Variants in WNT10B observed in about 807,000 individuals in gnomAD.
WNT10B encodes the protein protein Wnt-10b.
WNT10B carries 26 observed loss-of-function variants against 32.7 expected under a neutral mutation model. The ratio of observed to expected loss-of-function variants is 0.79; its 90% CI spans 0.58 to 1.10. The LOEUF (loss-of-function observed/expected upper bound fraction) is 1.10. Among genes scored for constraint, WNT10B ranks in the 50% least tolerant of loss-of-function variants. The pLI, the probability that WNT10B is intolerant of heterozygous loss-of-function variation, is 0.00. For missense variants in WNT10B, 474 were observed against 532.5 expected, an observed-to-expected ratio of 0.89 and a Z score of 1.08; for synonymous variants, 204 against 220.4, an observed-to-expected ratio of 0.93 and a Z score of 0.66.
Position 48,965,861 on chromosome 12 carries a change from T to A in WNT10B, c.*234A>T. On this transcript the variant is annotated 3_prime_UTR_variant, in exon 5 of 5. Transcript: ENST00000301061. ...TGCATTTCATCTTAGTCCATTCAGG[T>A]GTCTAAGGAGCAGAAGAGGGGTGGC... 1 of 577,932 alleles carries A rather than the reference T, an allele frequency of 1.7e-6. No homozygotes were observed. The highest frequency in any genetic ancestry group is 3.0e-5 in the Admixed American group (1 of 33,280). The allele number at this position is 577,932 out of a possible 1,614,324, so 35.8% of individuals were successfully genotyped here.
rs1382756566 is a variant in WNT10B at position 48,968,141 on chromosome 12, A to G, written c.516T>C (p.Ser172=). 1.9e-6 allele frequency: 3 copies of G among 1,613,628 alleles called. No homozygotes were observed. The Admixed American group carries it at 5.0e-5, about 27-fold the overall frequency. The stretch of plus-strand genomic sequence containing the variant: ...CAGGGCTGGGCAGAGAGTGGGGGAA[A>G]CTCTTGCCTCGGGACAGTGCCTGCA... ...LQLQALSRGK[S]FPHSLPSPGP... is the part of the protein sequence containing the mutation. The change falls in exon 4 of 5, where the codon AGT becomes AGC. Residue 172 remains serine, a synonymous_variant. Coordinates refer to ENST00000301061, the MANE Select transcript of WNT10B (RefSeq NM_003394.4).
chr12:48,967,945 C>T lies in WNT10B; in HGVS notation c.711+1G>A. 5.0e-6 allele frequency: 8 copies of T among 1,614,220 alleles called. No individual in the cohort carries two copies. Among genetic ancestry groups the T allele is most frequent in the Non-Finnish European group, 6.8e-6 (8 of 1,180,036 alleles). On this transcript the variant is annotated splice_donor_variant, in intron 4 of 4. Coordinates refer to ENST00000301061, the MANE Select transcript of WNT10B (RefSeq NM_003394.4). LOFTEE classifies it high-confidence loss of function. ...ACCCAGGACAAGATGTACACACATA[C>T]CTGGCGCCCCACCCTGTTGTTGTGG... is the stretch of plus-strand genomic sequence containing the variant.
At chr12:48,971,080 T>C (rs1432601524) in intron 1 of WNT10B, among the ~76,000 whole-genome samples, 1 of 151,962 alleles carries the variant, frequency 6.6e-6, no homozygotes, top group Admixed American at 6.6e-5. Context: ...CACTGCCCCC[T>C]CCCTGAGCAG....
chr12:48,965,932 T>A lies in WNT10B; in HGVS notation c.*163A>T. 1.3e-6 allele frequency: 1 copy of A among 794,356 alleles called. No individual in the cohort carries two copies. The allele number at this position is 794,356 out of a possible 1,614,324, so 49.2% of individuals were successfully genotyped here. A position where few individuals can be genotyped will look rare whatever the true frequency, so the allele number is the denominator to read the frequency against. On this transcript the variant is annotated 3_prime_UTR_variant, in exon 5 of 5. Transcript: ENST00000301061. ...CAATTGTTGGGGAGAAGGCTACACATCCCAGAGTCCACCTGACCCCCACCA... is the reference window on the plus strand; with the variant it reads ...CAATTGTTGGGGAGAAGGCTACACAACCCAGAGTCCACCTGACCCCCACCA...
chr12:48,969,937 A>T (rs1187793602), intron 3 of WNT10B, 152 bp downstream of exon 3: 1 of 1,010,254 alleles, frequency 9.9e-7, no homozygotes, highest in African/African-American at 1.8e-5. Context: ...GAGTGGCCAG[A>T]CCTGGCTCAG....
At position 48,966,475 on chromosome 12, in the gene WNT10B, C is replaced by T. The variant is rs982618327; in HGVS notation, c.790G>A (p.Ala264Thr). 1.2e-6 allele frequency: 2 copies of T among 1,613,954 alleles called. No homozygotes were observed. Among genetic ancestry groups the T allele is most frequent in the African/African-American group, 2.7e-5 (2 of 74,944 alleles). The change falls in exon 5 of 5, where the codon GCG (alanine) becomes ACG (threonine). Residue 264 changes from alanine (A) to threonine (T), a missense_variant. Ala to Thr is a moderately conservative substitution (Grantham distance 58). Transcript: ENST00000301061. ...GSCQFKTCWR[A>T]APEFRAVGAA... is the part of the protein sequence containing the mutation. ...CCCACTGCCCGGAACTCTGGGGCCG[C>T]CCTCCAGCATGTCTTGAACTGGCAG...
chr12:48,968,151 C>T lies in WNT10B; in HGVS notation c.506G>A (p.Arg169Gln), dbSNP rs376601047. ...CAGAGAGTGGGGGAAACTCTTGCCT[C>T]GGGACAGTGCCTGCAGCTGCAGCAG... The part of the protein sequence containing the change: ...AKLLQLQALS[R>Q]GKSFPHSLPS... Residue 169 changes from arginine (R) to glutamine (Q), a missense_variant, in exon 4 of 5, where the codon CGA becomes CAA. By Grantham distance (43) the Arg-to-Gln change is conservative. Coordinates refer to ENST00000301061, the MANE Select transcript of WNT10B (RefSeq NM_003394.4). 18 of 1,614,112 alleles carry T rather than the reference C, an allele frequency of 1.1e-5. No individual in the cohort carries two copies. The highest frequency in any genetic ancestry group is 8.0e-5 in the African/African-American group (6 of 74,958).
Position 48,965,550 on chromosome 12 carries a change from A to G in WNT10B, c.*545T>C, listed in dbSNP as rs1486174434. ...TGGACAGACAACTCTCTGAGGATTC[A>G]GGGGAGAGTGCCCCTCAGCACTCTG... On this transcript the variant is annotated 3_prime_UTR_variant, in exon 5 of 5. Coordinates refer to ENST00000301061, the MANE Select transcript of WNT10B (RefSeq NM_003394.4). 1 of 155,112 alleles carries G rather than the reference A, an allele frequency of 6.4e-6. No homozygotes were observed. Among genetic ancestry groups the G allele is most frequent in the Admixed American group, 6.3e-5 (1 of 15,850 alleles). 9.6% of individuals were successfully genotyped at this position (155,112 alleles called of 1,614,324 possible). A position where few individuals can be genotyped will look rare whatever the true frequency, so the allele number is the denominator to read the frequency against.
chr12:48,970,676 C>T lies in WNT10B; in HGVS notation c.-40-107G>A. 1 of 774,632 alleles carries T rather than the reference C, an allele frequency of 1.3e-6. No individual in the cohort carries two copies. The highest frequency in any genetic ancestry group is 2.1e-6 in the Non-Finnish European group (1 of 471,082). The allele number at this position is 774,632 out of a possible 1,614,324, so 48.0% of individuals were successfully genotyped here. ...TAACCCACCGGTGCCACCCTACTGA[C>T]CCTTCTCATTCCTCCTCAAACAAAA... On this transcript the variant is annotated intron_variant, in intron 1 of 4. Coordinates refer to ENST00000301061, the MANE Select transcript of WNT10B (RefSeq NM_003394.4). This position sits in a 1 kb window ranked among gnomAD's most constrained non-coding sequence, Gnocchi z 5.0.
At position 48,970,460 on chromosome 12, in the gene WNT10B, T is replaced by C. The variant is rs1476157710; in HGVS notation, c.70A>G (p.Ser24Gly). 12 of 1,613,102 alleles carry C rather than the reference T, an allele frequency of 7.4e-6. No homozygotes were observed. The highest frequency in any genetic ancestry group is 1.0e-5 in the Non-Finnish European group (12 of 1,179,744). The change falls in exon 2 of 5, where the codon AGT (serine) becomes GGT (glycine). Residue 24 changes from serine to glycine, a missense_variant. Physicochemically the swap from Ser to Gly is moderately conservative, Grantham distance 56 (BLOSUM62 0). Transcript: ENST00000301061. This position sits in a 1 kb window ranked among gnomAD's most constrained non-coding sequence, Gnocchi z 5.0. The stretch of plus-strand genomic sequence containing the variant: ...GAGACAAGGGGAACTGCTCACCGAC[T>C]GCACAACGCCAGGAACAGGAGACCC... ...LAGLLFLALCSRALSNEILGL... is the reference protein window; with the variant it reads ...LAGLLFLALCGRALSNEILGL...
In WNT10B at chr12:48,970,204, C is replaced by G. The variant is rs755451271; in HGVS notation, c.222G>C (p.Gln74His). The G allele has an allele frequency of 2.4e-5, 38 of 1,590,618 alleles. No individual in the cohort carries two copies. The Admixed American group carries it at 6.7e-4, about 28-fold the overall frequency. Residue 74 changes from glutamine to histidine, a missense_variant, in exon 3 of 5, where the codon CAG becomes CAC. By Grantham distance (24) the Gln-to-His change is conservative. Coordinates refer to ENST00000301061, the MANE Select transcript of WNT10B (RefSeq NM_003394.4). The surrounding 1 kb of genome is among the most constrained non-coding windows in gnomAD (Gnocchi z 5.0). ...ACTCGTGGACCGCGATGTGCAGACCCTGAAGCGCGGACGCCGTCACGTCGG... is the reference window on the plus strand; with the variant it reads ...ACTCGTGGACCGCGATGTGCAGACCGTGAAGCGCGGACGCCGTCACGTCGG... Reference protein sequence around the residue: ...RNPDVTASALQGLHIAVHECQ... With the variant: ...RNPDVTASALHGLHIAVHECQ...
Position 48,970,009 on chromosome 12 carries a change from C to T in WNT10B, c.337+80G>A. Reference sequence around the variant, plus strand: ...CCCCTCCCGGAGCCGCGAAACCATCCCTTCCCGCCTCCGCGCGCCTCGCCC... The same window carrying T: ...CCCCTCCCGGAGCCGCGAAACCATCTCTTCCCGCCTCCGCGCGCCTCGCCC... On this transcript the variant is annotated intron_variant, in intron 3 of 4. Coordinates refer to ENST00000301061, the MANE Select transcript of WNT10B (RefSeq NM_003394.4). The surrounding 1 kb of genome is among the most constrained non-coding windows in gnomAD (Gnocchi z 5.0). 7.3e-7 allele frequency: 1 copy of T among 1,373,832 alleles called. No individual in the cohort carries two copies. Among genetic ancestry groups the T allele is most frequent in the Non-Finnish European group, 9.4e-7 (1 of 1,068,248 alleles). 85.1% of individuals were successfully genotyped at this position (1,373,832 alleles called of 1,614,324 possible).
At chr12:48,968,451 G>T in intron 3 of WNT10B, 132 bp from the exon 4 acceptor site, 1 of 1,412,876 alleles carries the variant, frequency 7.1e-7, no homozygotes, top group Non-Finnish European at 9.7e-7. Flanking sequence ...CCATTCACCA[G>T]CTGAGTGATT....
chr12:48,966,213 C>T lies in WNT10B; in HGVS notation c.1052G>A (p.Arg351His), dbSNP rs535698374. ...TGTCTGCCGGAGCACGTTGTGCCCA[C>T]GGCCACAGCACAGGCTGCCACAGCC... The part of the protein sequence containing the change: ...LDGCGSLCCG[R>H]GHNVLRQTRV... Residue 351 changes from arginine to histidine, a missense_variant, in exon 5 of 5, where the codon CGT becomes CAT. By Grantham distance (29) the Arg-to-His change is conservative. Coordinates refer to ENST00000301061, the MANE Select transcript of WNT10B (RefSeq NM_003394.4). 21 of 1,613,882 alleles carry T rather than the reference C, an allele frequency of 1.3e-5. No homozygotes were observed. Among genetic ancestry groups the T allele is most frequent in the Middle Eastern group, 1.6e-4 (1 of 6,062 alleles).
intron 1 of WNT10B, among the ~76,000 whole-genome samples, chr12:48,971,181 C>T (rs1391968709): frequency 6.6e-6 from 1 of 152,218 alleles, no homozygotes; most frequent in African/African-American, 2.4e-5. Context: ...ACTGAGTCCT[C>T]TTCCCTATCC....
In WNT10B at chr12:48,966,565, G is replaced by C. The variant is rs1164850504; in HGVS notation, c.712-12C>G. The C allele has an allele frequency of 1.2e-6, 2 of 1,611,950 alleles. No homozygotes were observed. The highest frequency in any genetic ancestry group is 1.7e-5 in the Admixed American group (1 of 59,988). ...TTTTCAGTTACCACCTAGAGCATCA[G>C]GGGGAAAAGAGGTGAAGCAGAGGGC... On this transcript the variant is annotated splice_polypyrimidine_tract_variant and intron_variant, in intron 4 of 4. Coordinates refer to ENST00000301061, the MANE Select transcript of WNT10B (RefSeq NM_003394.4).
chr12:48,967,515 G>A (rs1447792425), intron 4 of WNT10B, among the ~76,000 whole-genome samples: 1 of 151,520 alleles, frequency 6.6e-6, no homozygotes. Context: ...GGCCAGGGTG[G>A]TCTGGAACTC....
intron 3 of WNT10B, among the ~76,000 whole-genome samples, chr12:48,969,398 G>A (rs982678977): frequency 6.6e-6 from 1 of 152,182 alleles, no homozygotes; most frequent in African/African-American, 2.4e-5. Context: ...CCCATCTCTG[G>A]GCTGAGCCCC....
At position 48,970,645 on chromosome 12, in the gene WNT10B, G is replaced by T; in HGVS notation, c.-40-76C>A. 1 of 1,216,882 alleles carries T rather than the reference G, an allele frequency of 8.2e-7. No homozygotes were observed. The highest frequency in any genetic ancestry group is 1.2e-6 in the Non-Finnish European group (1 of 851,618). The allele number at this position is 1,216,882 out of a possible 1,614,324, so 75.4% of individuals were successfully genotyped here. ...GGGAACCAAGTGACGCCCTTCTTCG[G>T]GCTCCTAACCCACCGGTGCCACCCT... On this transcript the variant is annotated intron_variant, in intron 1 of 4. Transcript: ENST00000301061. The surrounding 1 kb of genome is among the most constrained non-coding windows in gnomAD (Gnocchi z 5.0).
Sources: gnomAD v4.1 joint callset for allele counts (sites outside exome capture counted in the v4.1 genomes callset) on GRCh38, gnomAD v4.1.1 for gene constraint, Gnocchi (gnomAD v3.1) non-coding constraint, MANE v1.5 for transcripts, NCBI Gene and HGNC (gene_info 2026-07-23, HGNC 2026-07-21) for gene names.